PTPN21: variants seen among roughly 807,000 people sequenced by gnomAD.
PTPN21 encodes protein tyrosine phosphatase non-receptor type 21.
PTPN21 carries 77 observed loss-of-function variants against 131.8 expected under a neutral mutation model. The ratio of observed to expected loss-of-function variants is 0.58; its 90% CI spans 0.49 to 0.71. The LOEUF (loss-of-function observed/expected upper bound fraction) is 0.71, where lower values mean the gene tolerates loss of function less well. PTPN21 is among the 30% of genes least tolerant of loss of function. The pLI, the probability that PTPN21 is intolerant of heterozygous loss-of-function variation, is 0.00. For synonymous variants in PTPN21, 715 were observed against 621.3 expected (o/e 1.15, Z -2.24); for missense variants, 1,552 against 1,527.1 (o/e 1.02, Z -0.27).
chr14:88,483,167 G>A (rs897642524), intron 12 of PTPN21, among the ~76,000 whole-genome samples: 13 of 147,856 alleles, frequency 8.8e-5, no homozygotes, highest in South Asian at 2.1e-4. Flanking sequence ...AGCCGAGATC[G>A]CGCCACTTCA....
At chr14:88,493,768 T>C (rs2077861880) in intron 10 of PTPN21, among the ~76,000 whole-genome samples, 1 of 151,796 alleles carries the variant, frequency 6.6e-6, no homozygotes, top group Non-Finnish European at 1.5e-5. Flanking sequence ...GGTCTCAGCT[T>C]AGATGTCACT....
intron 3 of PTPN21, among the ~76,000 whole-genome samples, chr14:88,510,455 T>G (rs1384696542): frequency 6.6e-6 from 1 of 152,260 alleles, no homozygotes; most frequent in Non-Finnish European, 1.5e-5. Context: ...CATGCTCAAA[T>G]GCACAGAGCC....
intron 1 of PTPN21, 134 bp from the exon 2 acceptor site, chr14:88,550,753 G>T (rs2078854107): frequency 4.3e-6 from 1 of 232,304 alleles, no homozygotes; most frequent in African/African-American, 2.3e-5. Context: ...ACAGGACCCG[G>T]AAGGCAGGGT....
chr14:88,524,927 A>T (rs1048698553), intron 2 of PTPN21, among the ~76,000 whole-genome samples: 1 of 152,018 alleles, frequency 6.6e-6, no homozygotes, highest in African/African-American at 2.4e-5. Context: ...ACACGCACAA[A>T]ATTTAGAACT....
intron 2 of PTPN21, among the ~76,000 whole-genome samples, chr14:88,518,414 A>ATT (rs869305749): frequency 9.3e-5 from 1 of 10,790 alleles, no homozygotes; most frequent in Non-Finnish European, 1.9e-4. Context: ...ATATATATAT[A>ATT]TTTTTTTTTT....
intron 10 of PTPN21, among the ~76,000 whole-genome samples, chr14:88,489,274 T>C (rs1227496311): frequency 6.6e-6 from 1 of 152,202 alleles, no homozygotes; most frequent in African/African-American, 2.4e-5. Context: ...TTTTGCTTTG[T>C]AAGTTTCCTT....
At chr14:88,500,589 G>C (rs1410354581) in intron 8 of PTPN21, among the ~76,000 whole-genome samples, 194 bp downstream of exon 8, 1 of 152,186 alleles carries the variant, frequency 6.6e-6, no homozygotes, top group African/African-American at 2.4e-5. Context: ...TCTGGACATA[G>C]AGTTTTGAAG....
intron 2 of PTPN21, among the ~76,000 whole-genome samples, chr14:88,542,746 A>C (rs2139357281): frequency 6.6e-6 from 1 of 152,352 alleles, no homozygotes; most frequent in African/African-American, 2.4e-5. Flanking sequence ...ACAAAACCTA[A>C]ACATCAAGAA....
chr14:88,512,012 CATCGGCATTTT>C (rs2078192554), intron 3 of PTPN21, among the ~76,000 whole-genome samples: 1 of 151,782 alleles, frequency 6.6e-6, no homozygotes, highest in Non-Finnish European at 1.5e-5. Context: ...AATGTGTAGG[CATCGGCATTTT>C]TATTTTTTAA....
chr14:88,509,112 A>G (rs1430942454), intron 3 of PTPN21, among the ~76,000 whole-genome samples: 1 of 149,766 alleles, frequency 6.7e-6, no homozygotes, highest in Non-Finnish European at 1.5e-5. Context: ...GCTCTTATCA[A>G]TCACGTACTT....
intron 5 of PTPN21, 55 bp from the exon 6 acceptor site, chr14:88,504,550 G>T: frequency 7.0e-7 from 1 of 1,419,622 alleles, no homozygotes; most frequent in Non-Finnish European, 1.0e-6. Context: ...TTTCTTAGAA[G>T]GAATCATGGC....
At chr14:88,481,629 GAA>G (rs1464478241) in intron 12 of PTPN21, among the ~76,000 whole-genome samples, 6 of 152,356 alleles carry the variant, frequency 3.9e-5, no homozygotes, top group Admixed American at 3.9e-4. Flanking sequence ...AAGGAAGGGA[GAA>G]GAGATGAAGG....
At chr14:88,470,752 G>A (rs187244485) in intron 15 of PTPN21, among the ~76,000 whole-genome samples, 2 of 152,356 alleles carry the variant, frequency 1.3e-5, no homozygotes, top group East Asian at 3.9e-4. Context: ...TGAGCACCCA[G>A]TGGCTGCCAC....
At chr14:88,532,190 G>C (rs995984597) in intron 2 of PTPN21, among the ~76,000 whole-genome samples, 1 of 150,192 alleles carries the variant, frequency 6.7e-6, no homozygotes, top group African/African-American at 2.5e-5. Flanking sequence ...ATTCAAAGAA[G>C]AATTGGTACC....
chr14:88,526,369 G>A (rs2078475399), intron 2 of PTPN21, among the ~76,000 whole-genome samples: 1 of 151,710 alleles, frequency 6.6e-6, no homozygotes, highest in Non-Finnish European at 1.5e-5. Flanking sequence ...CCAACATGGT[G>A]AAACCCCATT....
rs140299208 is a variant in PTPN21 at position 88,468,226 on chromosome 14, G to T, written c.3436C>A (p.Gln1146Lys). ...IPRVLDMLRQ[Q>K]RMMLVQTLCQ... ...AGAGTCTGCACCAGCATCATTCTCT[G>T]TTGCCTCAGCATGTCCAGCACTCTC... is the stretch of plus-strand genomic sequence containing the variant. Residue 1146 changes from glutamine to lysine, a missense_variant, in exon 19 of 19, where the codon CAG becomes AAG. Coordinates refer to ENST00000556564, the MANE Select transcript of PTPN21 (RefSeq NM_007039.4). The T allele has an allele frequency of 6.2e-7, 1 of 1,610,706 alleles. No homozygotes were observed. Among genetic ancestry groups the T allele is most frequent in the Non-Finnish European group, 8.5e-7 (1 of 1,177,754 alleles).
intron 10 of PTPN21, among the ~76,000 whole-genome samples, chr14:88,495,038 AAG>A (rs1555385388): frequency 2.2e-4 from 26 of 118,736 alleles, no homozygotes; most frequent in Non-Finnish European, 3.1e-4. Flanking sequence ...AAAAAAAAAA[AAG>A]AAGAGTGTCA....
Position 88,540,177 on chromosome 14 carries a change from T to C in PTPN21, c.180+10061A>G, listed in dbSNP as rs149493488. On this transcript the variant is annotated intron_variant, in intron 2 of 18. Coordinates refer to ENST00000556564, the MANE Select transcript of PTPN21 (RefSeq NM_007039.4). ...CAGTGTATTATTCCAACTAACAAAT[T>C]TACATGATGAAACAGAAAGTGGAAA... Among the ~76,000 whole-genome samples the C allele has an allele frequency of 8.1e-4, 123 of 152,246 alleles. No homozygotes were observed. The Middle Eastern group carries it at 0.01, about 13-fold the overall frequency.
Position 88,513,000 on chromosome 14 carries a change from A to G in PTPN21, c.350+4092T>C, listed in dbSNP as rs144324857. On this transcript the variant is annotated intron_variant, in intron 3 of 18. Transcript: ENST00000556564. ...CAATACTGATGATTGTTACCTCTTTATATAGTCTATAAAGAAAAGATAGGA... is the reference window on the plus strand; with the variant it reads ...CAATACTGATGATTGTTACCTCTTTGTATAGTCTATAAAGAAAAGATAGGA... Among the ~76,000 whole-genome samples the G allele has an allele frequency of 8.7e-4, 133 of 152,268 alleles. 2 individuals carry two copies. In the East Asian group the frequency reaches 0.024, roughly 27 times the overall value.
Sources: gnomAD v4.1 joint callset for allele counts (sites outside exome capture counted in the v4.1 genomes callset) on GRCh38, gnomAD v4.1.1 for gene constraint, MANE v1.5 for transcripts, NCBI Gene and HGNC (gene_info 2026-07-23, HGNC 2026-07-21) for gene names.